Variants in ARPC1A observed in about 807,000 individuals in gnomAD.
ARPC1A encodes actin-related protein 2/3 complex subunit 1A.
A neutral mutation model predicts 46.9 loss-of-function variants in ARPC1A; 8 were observed. The observed-to-expected ratio is 0.17, with a 90% CI of 0.10 to 0.31. The LOEUF (loss-of-function observed/expected upper bound fraction) is 0.31, where lower values mean the gene tolerates loss of function less well. Among genes scored for constraint, ARPC1A ranks in the 10% least tolerant of loss-of-function variants. The probability of loss-of-function intolerance (pLI) is 1.00; values close to 1 mark genes in which losing one functional copy is unlikely to be tolerated. For missense variants in ARPC1A, 286 were observed against 483.6 expected (o/e 0.59, Z 3.83); for synonymous variants, 152 against 169.0 (o/e 0.90, Z 0.78).
In ARPC1A at chr7:99,343,026, A is replaced by G. The variant is rs180985851; in HGVS notation, c.170-1267A>G. Among the ~76,000 whole-genome samples, 14 of 152,200 alleles carry G rather than the reference A, an allele frequency of 9.2e-5. No individual in the cohort carries two copies. The East Asian group carries it at 2.5e-3, about 27-fold the overall frequency. On this transcript the variant is annotated intron_variant, in intron 3 of 9. Coordinates refer to ENST00000262942, the MANE Select transcript of ARPC1A (RefSeq NM_006409.4). ...CCTAACTCTTCAGTCACTATGACTT[A>G]TGGGTAATTGAGGCTCAGAGGTATA...
rs552181350 is a variant in ARPC1A at position 99,345,723 on chromosome 7, G to A, written c.392+1208G>A. The stretch of plus-strand genomic sequence containing the variant: ...GCATGACTGGTAAATATCCTTCAAC[G>A]TAAAGTTGTCATTTACTACTAAACT... On this transcript the variant is annotated intron_variant, in intron 4 of 9. Transcript: ENST00000262942. 5.9e-5 allele frequency among the ~76,000 whole-genome samples: 9 copies of A among 152,092 alleles called. No individual in the cohort carries two copies. The South Asian group carries it at 6.2e-4, about 11-fold the overall frequency.
At chr7:99,363,714 C>A in intron 9 of ARPC1A, 81 bp downstream of exon 9, 1 of 1,054,632 alleles carries the variant, frequency 9.5e-7, no homozygotes, top group Non-Finnish European at 1.3e-6. Context: ...CCTTCTCTGT[C>A]ACCCAGGTTG....
intron 4 of ARPC1A, among the ~76,000 whole-genome samples, chr7:99,348,549 A>G (rs1793500050): frequency 6.6e-6 from 1 of 152,224 alleles, no homozygotes; most frequent in Non-Finnish European, 1.5e-5. Flanking sequence ...TCTACAAAAA[A>G]TACAAAAATT....
At position 99,362,593 on chromosome 7, in the gene ARPC1A, C is replaced by T. The variant is rs555266406; in HGVS notation, c.984-950C>T. On this transcript the variant is annotated intron_variant, in intron 8 of 9. Transcript: ENST00000262942. ...TCCTGACCTCGTGATCTGCCCACCT[C>T]GGCCTCCCAGAGTGCTGGGATTACA... is the stretch of plus-strand genomic sequence containing the variant. 1.0e-4 allele frequency among the ~76,000 whole-genome samples: 15 copies of T among 150,558 alleles called. No individual in the cohort carries two copies. In the East Asian group the frequency reaches 2.8e-3, roughly 28 times the overall value.
intron 6 of ARPC1A, 69 bp from the exon 7 acceptor site, chr7:99,358,271 G>A: frequency 1.3e-6 from 2 of 1,495,426 alleles, no homozygotes; most frequent in Non-Finnish European, 9.3e-7. Context: ...GGTCCTTTGT[G>A]ATCATCTGTG....
rs985738319 is a variant in ARPC1A, at chr7:99,341,061, C to T, written c.169+2776C>T. ...CGGTGGCTCACACCTGTAATCCCAA[C>T]ACTTTAGGAGGCTGAGGCGGGTGGA... On this transcript the variant is annotated intron_variant, in intron 3 of 9. Transcript: ENST00000262942. Among the ~76,000 whole-genome samples the T allele has an allele frequency of 2.6e-5, 4 of 152,234 alleles. No homozygotes were observed. In the East Asian group the frequency reaches 5.8e-4, roughly 22 times the overall value.
intron 1 of ARPC1A, among the ~76,000 whole-genome samples, chr7:99,331,275 G>A (rs1793139785): frequency 6.6e-6 from 1 of 152,022 alleles, no homozygotes; most frequent in African/African-American, 2.4e-5. Context: ...CATGCTTGTA[G>A]CCACAGCTAC....
intron 7 of ARPC1A, 87 bp downstream of exon 7, chr7:99,358,502 AAGC>A (rs1793680912): frequency 8.4e-7 from 1 of 1,183,686 alleles, no homozygotes; most frequent in South Asian, 1.3e-5. Context: ...CCCTAGCACA[AAGC>A]AGAACAGTTT....
rs552532116 is a variant in ARPC1A at position 99,351,049 on chromosome 7, T to C, written c.500+2090T>C. Among the ~76,000 whole-genome samples, 74 of 151,442 alleles carry C rather than the reference T, an allele frequency of 4.9e-4. 1 individual carries two copies. In the South Asian group the frequency reaches 8.6e-3, roughly 18 times the overall value. ...CTTAAAAAAAAAAGAGAGAGAGATG[T>C]GTTTGAGTTTGGCGGAGAGGATGGA... On this transcript the variant is annotated intron_variant, in intron 5 of 9. Transcript: ENST00000262942.
chr7:99,344,592 C>A, intron 4 of ARPC1A, 77 bp downstream of exon 4: 1 of 1,437,496 alleles, frequency 7.0e-7, no homozygotes, highest in Non-Finnish European at 9.6e-7. Context: ...CTCACCATAA[C>A]TCCAGTTTTT....
intron 1 of ARPC1A, among the ~76,000 whole-genome samples, chr7:99,326,917 G>T (rs561431135): frequency 6.6e-6 from 1 of 152,284 alleles, no homozygotes; most frequent in South Asian, 2.1e-4. Context: ...TTACAACACT[G>T]CTGGGAACAT....
At chr7:99,342,802 A>G (rs999653201) in intron 3 of ARPC1A, among the ~76,000 whole-genome samples, 2 of 138,252 alleles carry the variant, frequency 1.4e-5, no homozygotes, top group African/African-American at 5.6e-5. Flanking sequence ...GGCTCACTGT[A>G]AGCTCCGCCT....
intron 4 of ARPC1A, among the ~76,000 whole-genome samples, chr7:99,347,790 T>C (rs1793479916): frequency 1.3e-5 from 2 of 150,376 alleles, no homozygotes; most frequent in Non-Finnish European, 3.0e-5. Flanking sequence ...GATCACGCCA[T>C]TGCACTCCAG....
chr7:99,346,954 G>A (rs1793463420), intron 4 of ARPC1A, among the ~76,000 whole-genome samples: 1 of 152,146 alleles, frequency 6.6e-6, no homozygotes, highest in African/African-American at 2.4e-5. Flanking sequence ...ACTCCAGCCT[G>A]GGCAACAGAG....
intron 3 of ARPC1A, among the ~76,000 whole-genome samples, chr7:99,343,697 T>C (rs1490862415): frequency 2.0e-5 from 3 of 152,182 alleles, no homozygotes. Flanking sequence ...CTGGTTTAGA[T>C]GCAAAGAAAC....
chr7:99,337,938 G>A (rs768546587), intron 2 of ARPC1A, among the ~76,000 whole-genome samples: 1 of 151,944 alleles, frequency 6.6e-6, no homozygotes, highest in African/African-American at 2.4e-5. Flanking sequence ...TTAATTGACA[G>A]TTGTACGTGT....
chr7:99,332,842 C>T (rs1203707759), intron 1 of ARPC1A, among the ~76,000 whole-genome samples: 1 of 151,656 alleles, frequency 6.6e-6, no homozygotes, highest in African/African-American at 2.4e-5. Flanking sequence ...ACCTCGTGAC[C>T]TGCCTGCCTT....
At chr7:99,334,041 A>ATT (rs111494426) in intron 2 of ARPC1A, among the ~76,000 whole-genome samples, 12 of 121,572 alleles carry the variant, frequency 9.9e-5, no homozygotes, top group South Asian at 3.8e-4. Context: ...ATATATATGT[A>ATT]TTTTTTTTTT....
chr7:99,361,274 A>G (rs1793735513), intron 8 of ARPC1A, among the ~76,000 whole-genome samples: 1 of 152,092 alleles, frequency 6.6e-6, no homozygotes, highest in South Asian at 2.1e-4. Context: ...AAGCCAAGGC[A>G]GGAGGATCAC....
Sources: gnomAD v4.1 joint callset for allele counts (sites outside exome capture counted in the v4.1 genomes callset) on GRCh38, gnomAD v4.1.1 for gene constraint, MANE v1.5 for transcripts, NCBI Gene and HGNC (gene_info 2026-07-23, HGNC 2026-07-21) for gene names.